The following NUP98 variants were observed in gnomAD, a reference collection of about 807,000 sequenced individuals.
NUP98 encodes nucleoporin 98 and 96 precursor.
Under a neutral mutation model 191.9 loss-of-function variants are expected in NUP98, and 26 were observed. The observed-to-expected ratio is 0.14, with a 90% CI of 0.10 to 0.19. The LOEUF is 0.19. Among genes scored for constraint, NUP98 ranks in the 10% least tolerant of loss-of-function variants. NUP98 has a pLI of 1.00. For missense variants in NUP98, 1,941 were observed against 2,178.8 expected, an observed-to-expected ratio of 0.89 and a Z score of 2.17; for synonymous variants, 808 against 778.4, an observed-to-expected ratio of 1.04 and a Z score of -0.63.
intron 28 of NUP98, among the ~76,000 whole-genome samples, chr11:3,690,159 C>G (rs1268505475): frequency 6.6e-6 from 1 of 151,656 alleles, no homozygotes; most frequent in Non-Finnish European, 1.5e-5. Flanking sequence ...ACCATGTTGG[C>G]CAGGCTGGTC....
chr11:3,722,025 T>C (rs965838140), intron 16 of NUP98, among the ~76,000 whole-genome samples: 1 of 151,376 alleles, frequency 6.6e-6, no homozygotes, highest in South Asian at 2.1e-4. Flanking sequence ...AATATAAAAC[T>C]TCCTATTAAA....
intron 1 of NUP98, among the ~76,000 whole-genome samples, chr11:3,786,815 C>A (rs1351024844): frequency 6.6e-6 from 1 of 152,196 alleles, no homozygotes; most frequent in Non-Finnish European, 1.5e-5. Context: ...CAACTCCAGG[C>A]AACTGTCAAC....
chr11:3,706,435 A>C lies in NUP98; in HGVS notation c.2925+10T>G, dbSNP rs1564826072. ...CTTTCTGTTACAAAAAAGGTGGGTT[A>C]GAACTTCACCTGTAAGACATGTGGA... is the stretch of plus-strand genomic sequence containing the variant. On this transcript the variant is annotated intron_variant, in intron 21 of 32. Transcript: ENST00000324932. 1 of 1,613,686 alleles carries C rather than the reference A, an allele frequency of 6.2e-7. No homozygotes were observed.
At chr11:3,730,534 T>C (rs908660257) in intron 14 of NUP98, among the ~76,000 whole-genome samples, 1 of 151,998 alleles carries the variant, frequency 6.6e-6, no homozygotes, top group Non-Finnish European at 1.5e-5. Flanking sequence ...CCAGCTAATT[T>C]TGTATATTCA....
chr11:3,773,821 C>G, intron 5 of NUP98, 82 bp from the exon 6 acceptor site: 1 of 773,822 alleles, frequency 1.3e-6, no homozygotes, highest in Non-Finnish European at 2.2e-6. Flanking sequence ...AACCACTGAA[C>G]TCTAAAACTA....
intron 15 of NUP98, 39 bp downstream of exon 15, chr11:3,725,064 C>T (rs764974048): frequency 4.5e-6 from 4 of 893,112 alleles, no homozygotes; most frequent in Admixed American, 2.1e-5. Flanking sequence ...GAGACTATAA[C>T]TCTCTACTAA....
intron 24 of NUP98, 41 bp downstream of exon 24, chr11:3,700,569 T>C (rs770700026): frequency 9.3e-6 from 13 of 1,391,826 alleles, no homozygotes; most frequent in African/African-American, 1.4e-5. Flanking sequence ...ACCACCACTA[T>C]TATTGGGACA....
intron 8 of NUP98, among the ~76,000 whole-genome samples, chr11:3,766,520 G>C (rs1263766809): frequency 1.3e-5 from 2 of 151,640 alleles, no homozygotes; most frequent in African/African-American, 4.8e-5. Flanking sequence ...TGAAACCCCG[G>C]CTCTACTAAA....
At chr11:3,760,264 C>A in intron 10 of NUP98, 1 of 475,228 alleles carries the variant, frequency 2.1e-6, no homozygotes. Flanking sequence ...TTTATGGTTT[C>A]TCAGCTATTG....
Position 3,771,436 on chromosome 11 carries a change from C to CA in NUP98, c.784+311dup, listed in dbSNP as rs554914000. ...GCCCTCTCTTCAAATGGCAAAAACT[C>CA]AGAGTTTTTAGACTCAGTTTCCACT... is the stretch of plus-strand genomic sequence containing the variant. On this transcript the variant is annotated intron_variant, in intron 7 of 32. Coordinates refer to ENST00000324932, the MANE Select transcript of NUP98 (RefSeq NM_016320.5). 3.9e-4 allele frequency among the ~76,000 whole-genome samples: 60 copies of CA among 152,272 alleles called. No individual in the cohort carries two copies. The East Asian group carries it at 6.8e-3, about 17-fold the overall frequency.
At chr11:3,790,331 T>G (rs919030642) in intron 1 of NUP98, among the ~76,000 whole-genome samples, 3 of 152,076 alleles carry the variant, frequency 2.0e-5, no homozygotes, top group Non-Finnish European at 4.4e-5. Context: ...CTGGCTGAAG[T>G]GAAGAGGGAG....
intron 29 of NUP98, among the ~76,000 whole-genome samples, chr11:3,685,520 G>T (rs2078110228): frequency 6.6e-6 from 1 of 152,174 alleles, no homozygotes; most frequent in Non-Finnish European, 1.5e-5. Context: ...ATTCAGAAAA[G>T]AGCCCACTAT....
At chr11:3,689,678 T>C (rs1419154261) in intron 28 of NUP98, among the ~76,000 whole-genome samples, 4 of 152,184 alleles carry the variant, frequency 2.6e-5, no homozygotes, top group South Asian at 2.1e-4. Flanking sequence ...CTCACTCCTA[T>C]TGCCCAGGCT....
At chr11:3,774,043 A>G (rs1244411862) in intron 5 of NUP98, among the ~76,000 whole-genome samples, 1 of 152,156 alleles carries the variant, frequency 6.6e-6, no homozygotes, top group Non-Finnish European at 1.5e-5. Context: ...TTTACCCAAT[A>G]TATACCTTTA....
chr11:3,727,217 T>G (rs1028067547), intron 14 of NUP98, among the ~76,000 whole-genome samples: 1 of 152,120 alleles, frequency 6.6e-6, no homozygotes, highest in South Asian at 2.1e-4. Context: ...CACACACCTA[T>G]AGTCCCACGT....
chr11:3,698,678 G>T (rs1044922767), intron 25 of NUP98, among the ~76,000 whole-genome samples: 2 of 133,922 alleles, frequency 1.5e-5, no homozygotes, highest in East Asian at 2.3e-4. Context: ...AGTGAGCCGA[G>T]ATCGCACCAT....
At chr11:3,707,498 A>G (rs564706571) in intron 20 of NUP98, among the ~76,000 whole-genome samples, 106 of 152,150 alleles carry the variant, frequency 7.0e-4, no homozygotes, top group Non-Finnish European at 1.3e-3. Context: ...TTGTAATCTC[A>G]GCACTTTGGG....
intron 14 of NUP98, among the ~76,000 whole-genome samples, chr11:3,726,287 C>T (rs61879982): frequency 0.051 from 7,669 of 150,834 alleles, 254 homozygotes; most frequent in Middle Eastern, 0.099. Context: ...AGCTGAAAAT[C>T]AAAGGGGAGA....
intron 27 of NUP98, among the ~76,000 whole-genome samples, chr11:3,692,205 T>C (rs1285485906): frequency 6.6e-6 from 1 of 151,734 alleles, no homozygotes; most frequent in Non-Finnish European, 1.5e-5. Context: ...GGTATGCACC[T>C]GTGGTCCCAG....
Sources: gnomAD v4.1 joint callset for allele counts (sites outside exome capture counted in the v4.1 genomes callset) on GRCh38, gnomAD v4.1.1 for gene constraint, MANE v1.5 for transcripts, NCBI Gene and HGNC (gene_info 2026-07-23, HGNC 2026-07-21) for gene names.